MYH9: variants seen among roughly 807,000 people sequenced by gnomAD.
The protein encoded by MYH9 is myosin-9.
Under a neutral mutation model 241.9 loss-of-function variants are expected in MYH9, and 29 were observed. The ratio of observed to expected loss-of-function variants is 0.12; its 90% confidence interval spans 0.09 to 0.16. The LOEUF (loss-of-function observed/expected upper bound fraction) is 0.16, where lower values mean the gene tolerates loss of function less well. Among genes scored for constraint, MYH9 ranks in the 10% least tolerant of loss-of-function variants. The pLI is 1.00. For synonymous variants in MYH9, 1,047 were observed against 1,062.6 expected (o/e 0.99, Z 0.29); for missense variants, 1,803 against 2,595.5 (o/e 0.69, Z 6.63).
chr22:36,359,654 G>A (rs1407208669), intron 1 of MYH9, among the ~76,000 whole-genome samples: 2 of 152,198 alleles, frequency 1.3e-5, no homozygotes, highest in Non-Finnish European at 2.9e-5. Flanking sequence ...TGATTAACCA[G>A]TGTAGAGGCA....
intron 1 of MYH9, among the ~76,000 whole-genome samples, chr22:36,384,605 AAAAAAAATATATATATATATATATAT>A (rs1478749258): frequency 2.3e-4 from 9 of 38,596 alleles, no homozygotes; most frequent in Admixed American, 4.7e-4. Context: ...AAAAAAAAAA[AAAAAAAATATATATATATATATATAT>A]ATATATATAT....
chr22:36,384,349 G>A (rs1262924316), intron 1 of MYH9, among the ~76,000 whole-genome samples: 3 of 150,926 alleles, frequency 2.0e-5, no homozygotes, highest in South Asian at 2.1e-4. Context: ...GTGGGAGGCC[G>A]AGATGGGCAG....
chr22:36,349,028 T>G lies in MYH9; in HGVS notation c.209A>C (p.Asp70Ala), dbSNP rs764768999. The G allele has an allele frequency of 3.7e-6, 6 of 1,614,246 alleles. No homozygotes were observed. In the Admixed American group the frequency reaches 1.0e-4, roughly 27 times the overall value. ...ENGKKVKVNK[D>A]DIQKMNPPKF... ...GGGCGGGTTCATCTTCTGGATGTCA[T>G]CCTTGTTCACCTTCACCTTCTTCCC... Residue 70 changes from aspartate to alanine, a missense_variant, in exon 2 of 41, where the codon GAT (aspartate) becomes GCT (alanine). By Grantham distance (126) the Asp-to-Ala change is moderately radical. This residue lies in a region of MYH9 where 72 missense variants were observed against 134.3 expected (regional missense o/e 0.54). Transcript: ENST00000216181.
intron 24 of MYH9, 127 bp from the exon 25 acceptor site, chr22:36,297,141 A>G: frequency 9.4e-7 from 1 of 1,068,702 alleles, no homozygotes; most frequent in Non-Finnish European, 1.4e-6. Context: ...ACAAACACAC[A>G]GACACTCGCA....
intron 15 of MYH9, chr22:36,308,977 CGGG>C: frequency 1.7e-6 from 1 of 580,974 alleles, no homozygotes; most frequent in Middle Eastern, 8.7e-4. Flanking sequence ...GGAGTAGAGG[CGGG>C]AATGCAACAT....
At chr22:36,302,295 T>A (rs2016891285) in intron 20 of MYH9, 6 of 381,030 alleles carry the variant, frequency 1.6e-5, no homozygotes, top group South Asian at 1.5e-4. Flanking sequence ...TAAAGAGATT[T>A]TTTTTTTAAA....
intron 2 of MYH9, among the ~76,000 whole-genome samples, chr22:36,344,117 A>G (rs1022655283): frequency 6.6e-6 from 1 of 152,276 alleles, no homozygotes; most frequent in Non-Finnish European, 1.5e-5. Flanking sequence ...CAAAGCAGTG[A>G]TGATGGAGCT....
At position 36,293,976 on chromosome 22, in the gene MYH9, C is replaced by A; in HGVS notation, c.3838-113G>T. The A allele has an allele frequency of 6.8e-7, 1 of 1,467,614 alleles. No homozygotes were observed. The highest frequency in any genetic ancestry group is 1.2e-5 in the South Asian group (1 of 86,154). 90.9% of individuals were successfully genotyped at this position (1,467,614 alleles called of 1,614,324 possible). A position where few individuals can be genotyped will look rare whatever the true frequency, so the allele number is the denominator to read the frequency against. The stretch of plus-strand genomic sequence containing the variant: ...GAGTCACAAGCTGAACCATGAGGGT[C>A]TGAGGAGCCAGTTTGAGAAGAGAGA... On this transcript the variant is annotated intron_variant, in intron 28 of 40. Transcript: ENST00000216181. The surrounding 1 kb of genome is among the most constrained non-coding windows in gnomAD (Gnocchi z 5.1).
At chr22:36,357,223 T>C (rs565557695) in intron 1 of MYH9, among the ~76,000 whole-genome samples, 16 of 151,926 alleles carry the variant, frequency 1.1e-4, no homozygotes, top group African/African-American at 3.9e-4. Flanking sequence ...AAGCGAAGAG[T>C]GTCATGGAGG....
At chr22:36,379,844 T>C (rs887443782) in intron 1 of MYH9, among the ~76,000 whole-genome samples, 1 of 152,204 alleles carries the variant, frequency 6.6e-6, no homozygotes, top group African/African-American at 2.4e-5. Flanking sequence ...GCTAAGGGCC[T>C]TCTCTGGGGA....
chr22:36,382,818 T>C (rs998306061), intron 1 of MYH9, among the ~76,000 whole-genome samples: 1 of 151,288 alleles, frequency 6.6e-6, no homozygotes, highest in Admixed American at 6.6e-5. Context: ...AAGAAATAAA[T>C]AAATAAATAA....
intron 14 of MYH9, 74 bp from the exon 15 acceptor site, chr22:36,309,470 GGC>G (rs2017025601): frequency 8.8e-7 from 1 of 1,130,750 alleles, no homozygotes; most frequent in Non-Finnish European, 1.3e-6. Context: ...CCGGAGCACA[GGC>G]TAACCCCATG....
chr22:36,365,477 A>AT (rs898794376), intron 1 of MYH9, among the ~76,000 whole-genome samples: 22 of 150,580 alleles, frequency 1.5e-4, no homozygotes, highest in East Asian at 5.9e-4. Context: ...TTTTTATTTT[A>AT]TTTTTTTTTG....
chr22:36,310,174 G>A (rs924716771), intron 14 of MYH9, among the ~76,000 whole-genome samples: 1 of 152,056 alleles, frequency 6.6e-6, no homozygotes, highest in African/African-American at 2.4e-5. Flanking sequence ...GGGGGCTGAG[G>A]CAGGAGGATC....
Position 36,286,706 on chromosome 22 carries a change from A to G in MYH9, c.5061+12T>C. ...GGGCAGCGGTGCCGCTCTCCATTGC[A>G]GCCCCACCCACCTCCTGCAACTGGA... On this transcript the variant is annotated intron_variant, in intron 35 of 40. Transcript: ENST00000216181. The G allele has an allele frequency of 1.9e-6, 3 of 1,611,512 alleles. No homozygotes were observed. Among genetic ancestry groups the G allele is most frequent in the Non-Finnish European group, 2.5e-6 (3 of 1,180,018 alleles).
intron 25 of MYH9, 139 bp downstream of exon 25, chr22:36,296,704 G>C: frequency 1.0e-6 from 1 of 989,596 alleles, no homozygotes. Flanking sequence ...GAACTGTTTT[G>C]CTATGAAATA....
chr22:36,351,403 G>A (rs6000252), intron 1 of MYH9, among the ~76,000 whole-genome samples: 4,489 of 152,238 alleles, frequency 0.029, 214 homozygotes, highest in African/African-American at 0.1. Context: ...AGACAGGAAC[G>A]GTGGCTGTGA....
chr22:36,318,406 A>G (rs2017194485), intron 10 of MYH9, 81 bp from the exon 11 acceptor site: 1 of 1,118,564 alleles, frequency 8.9e-7, no homozygotes, highest in African/African-American at 1.5e-5. Context: ...GACCCAAGAG[A>G]ATAAGTCCCT....
chr22:36,285,324 G>C lies in MYH9; in HGVS notation c.5280C>G (p.Asp1760Glu). ...CCAGGTTCAGGTCGGTGTTGATCTG[G>C]TCGATCTGCAGAAGAAGGGCCAGTG... ...DRLKKANLQI[D>E]QINTDLNLER... is the part of the protein sequence containing the mutation. The change falls in exon 38 of 41, where the codon GAC (aspartate) becomes GAG (glutamate). Residue 1760 changes from aspartate (D) to glutamate (E), a missense_variant. By Grantham distance (45) the Asp-to-Glu change is conservative. Around this residue, in one of 11 missense-constraint regions of MYH9, gnomAD observed 876 missense variants for 1,077.8 expected, o/e 0.81. Transcript: ENST00000216181. The surrounding 1 kb of genome is among the most constrained non-coding windows in gnomAD (Gnocchi z 7.0). The C allele has an allele frequency of 6.2e-7, 1 of 1,609,196 alleles. No homozygotes were observed. The highest frequency in any genetic ancestry group is 8.5e-7 in the Non-Finnish European group (1 of 1,180,016).
Sources: gnomAD v4.1 joint callset for allele counts (sites outside exome capture counted in the v4.1 genomes callset) on GRCh38, gnomAD v4.1.1 for gene constraint, gnomAD v4.1.1 regional missense constraint, Gnocchi (gnomAD v3.1) non-coding constraint, MANE v1.5 for transcripts, NCBI Gene and HGNC (gene_info 2026-07-23, HGNC 2026-07-21) for gene names.